The following ELMO1 variants were observed in gnomAD, a reference collection of about 807,000 sequenced individuals.
The protein encoded by ELMO1 is engulfment and cell motility 1.
A neutral mutation model predicts 98.9 loss-of-function variants in ELMO1; 26 were observed. The ratio of observed to expected loss-of-function variants is 0.26; its 90% CI spans 0.19 to 0.36. ELMO1 has a LOEUF of 0.36. Ranked by LOEUF, ELMO1 falls within the 10% of genes least tolerant of loss-of-function variation. The pLI, the probability that ELMO1 is intolerant of heterozygous loss-of-function variation, is 1.00. For missense variants in ELMO1, 627 were observed against 935.2 expected (o/e 0.67, Z 4.30); for synonymous variants, 346 against 346.0 (o/e 1.00, Z 0.00).
Position 37,233,114 on chromosome 7 carries a change from G to A in ELMO1, c.530C>T (p.Ser177Leu), listed in dbSNP as rs1447676557. 8 of 1,613,304 alleles carry A rather than the reference G, an allele frequency of 5.0e-6. No individual in the cohort carries two copies. Among genetic ancestry groups the A allele is most frequent in the Non-Finnish European group, 5.9e-6 (7 of 1,179,740 alleles). ...CCTTACCTTCTTAATGAACGCCACC[G>A]AAAATGTATCCCAGGACACTATGCC... ...DHGIVSWDTF[S>L]VAFIKKIASF... The change falls in exon 8 of 22, where the codon TCG becomes TTG. Residue 177 changes from serine to leucine, a missense_variant. Physicochemically the swap from Ser to Leu is moderately radical, Grantham distance 145. Coordinates refer to ENST00000310758, the MANE Select transcript of ELMO1 (RefSeq NM_014800.11).
intron 15 of ELMO1, among the ~76,000 whole-genome samples, chr7:37,035,454 T>C (rs1795124463): frequency 6.6e-6 from 1 of 152,318 alleles, no homozygotes; most frequent in Middle Eastern, 3.4e-3. Context: ...TTAAAACGTA[T>C]TTCATAAAAA....
chr7:37,415,239 C>G (rs1159825391), intron 1 of ELMO1, among the ~76,000 whole-genome samples: 1 of 152,250 alleles, frequency 6.6e-6, no homozygotes, highest in Non-Finnish European at 1.5e-5. Flanking sequence ...CATGCATGTA[C>G]TCCTGAACAA....
intron 15 of ELMO1, among the ~76,000 whole-genome samples, chr7:37,031,978 A>C (rs1024726172): frequency 6.6e-6 from 1 of 152,200 alleles, no homozygotes; most frequent in Non-Finnish European, 1.5e-5. Flanking sequence ...TAAGCATGTA[A>C]GTGTGTAGGA....
intron 14 of ELMO1, among the ~76,000 whole-genome samples, chr7:37,101,292 A>G (rs1391597777): frequency 6.6e-6 from 1 of 152,178 alleles, no homozygotes; most frequent in Non-Finnish European, 1.5e-5. Flanking sequence ...CTCCCGCAGG[A>G]ATGCAGGGTG....
chr7:37,393,291 A>C lies in ELMO1; in HGVS notation c.-73-50528T>G, dbSNP rs1434731337. Among the ~76,000 whole-genome samples the C allele has an allele frequency of 2.0e-5, 3 of 152,206 alleles. No homozygotes were observed. The East Asian group carries it at 5.8e-4, about 29-fold the overall frequency. On this transcript the variant is annotated intron_variant, in intron 1 of 21. Coordinates refer to ENST00000310758, the MANE Select transcript of ELMO1 (RefSeq NM_014800.11). ...ATACCTTAGTGAAGATTGCCAACAA[A>C]CAATGGCATTCTCCTATATAACCAC...
chr7:37,100,146 T>A (rs1236431032), intron 14 of ELMO1, among the ~76,000 whole-genome samples: 1 of 152,204 alleles, frequency 6.6e-6, no homozygotes, highest in Non-Finnish European at 1.5e-5. Flanking sequence ...CATATTACCA[T>A]GAAAATCAGT....
At position 37,183,107 on chromosome 7, in the gene ELMO1, A is replaced by G. The variant is rs560030275; in HGVS notation, c.1086+28279T>C. On this transcript the variant is annotated intron_variant, in intron 13 of 21. Transcript: ENST00000310758. ...GATACACTAGAACAATTTTAAATGG[A>G]AATAGTTTAGGAGCAGACATCCTAA... Among the ~76,000 whole-genome samples the G allele has an allele frequency of 9.2e-5, 14 of 152,286 alleles. No individual in the cohort carries two copies. In the East Asian group the frequency reaches 2.5e-3, roughly 27 times the overall value.
At chr7:37,302,428 T>A in intron 4 of ELMO1, among the ~76,000 whole-genome samples, 1 of 151,860 alleles carries the variant, frequency 6.6e-6, no homozygotes, top group East Asian at 1.9e-4. Flanking sequence ...CTTCAAACAC[T>A]CCCTCTCTGG....
At chr7:37,267,143 T>C (rs1326562779) in intron 5 of ELMO1, among the ~76,000 whole-genome samples, 1 of 150,908 alleles carries the variant, frequency 6.6e-6, no homozygotes, top group Admixed American at 6.6e-5. Flanking sequence ...AAGGTAACAG[T>C]TTCTTGTGGG....
chr7:37,371,780 T>C (rs1802124365), intron 1 of ELMO1, among the ~76,000 whole-genome samples: 1 of 152,212 alleles, frequency 6.6e-6, no homozygotes, highest in Admixed American at 6.5e-5. Context: ...TTCTTAATCG[T>C]TGCCTGAATT....
In ELMO1 at chr7:37,315,972, CA is replaced by C. The variant is rs749880548; in HGVS notation, c.79-13del. 4 of 1,459,602 alleles carry C rather than the reference CA, an allele frequency of 2.7e-6. No individual in the cohort carries two copies. Among genetic ancestry groups the C allele is most frequent in the African/African-American group, 2.5e-5 (1 of 39,372 alleles). The allele number at this position is 1,459,602 out of a possible 1,614,324, so 90.4% of individuals were successfully genotyped here. On this transcript the variant is annotated splice_polypyrimidine_tract_variant and intron_variant, in intron 2 of 21. Coordinates refer to ENST00000310758, the MANE Select transcript of ELMO1 (RefSeq NM_014800.11). ...GACAGTGGTTTTTTCTGCAAAATAA[CA>C]AAAAAGGAAATACTTGTTAGTTTCG... is the stretch of plus-strand genomic sequence containing the variant.
intron 15 of ELMO1, among the ~76,000 whole-genome samples, chr7:37,075,028 G>T (rs1797489538): frequency 6.6e-6 from 1 of 152,166 alleles, no homozygotes; most frequent in African/African-American, 2.4e-5. Context: ...CCATTCCCTG[G>T]ATTGTGTGTG....
intron 15 of ELMO1, among the ~76,000 whole-genome samples, chr7:37,072,630 CCCAAATGAGGAATCAT>C (rs1051765503): frequency 1.3e-5 from 2 of 152,166 alleles, no homozygotes; most frequent in African/African-American, 4.8e-5. Context: ...CCATACACAT[CCCAAATGAGGAATCAT>C]CCATTCCCCT....
chr7:36,953,839 T>TTGTGTGTGTGTGTG (rs10522376), intron 16 of ELMO1, among the ~76,000 whole-genome samples: 5 of 136,280 alleles, frequency 3.7e-5, no homozygotes, highest in African/African-American at 5.3e-5. Flanking sequence ...TGGGTATGTT[T>TTGTGTGTGTGTGTG]TGTGTGTGTG....
At chr7:37,413,480 G>T (rs1331542350) in intron 1 of ELMO1, among the ~76,000 whole-genome samples, 1 of 152,192 alleles carries the variant, frequency 6.6e-6, no homozygotes, top group Admixed American at 6.5e-5. Flanking sequence ...GAAAATACCA[G>T]TTGGTACAAC....
intron 5 of ELMO1, among the ~76,000 whole-genome samples, chr7:37,261,054 G>T (rs904279640): frequency 2.0e-5 from 3 of 152,144 alleles, no homozygotes; most frequent in African/African-American, 7.2e-5. Context: ...TGACAATAAT[G>T]AGTACCCAAA....
At chr7:37,269,789 T>C (rs1796462570) in intron 5 of ELMO1, 1 of 152,138 alleles carries the variant, frequency 6.6e-6, no homozygotes, top group African/African-American at 2.4e-5. Context: ...TTCACATCTT[T>C]CCATTCACTG....
chr7:37,092,134 A>G (rs1244648370), intron 15 of ELMO1, among the ~76,000 whole-genome samples: 3 of 152,078 alleles, frequency 2.0e-5, no homozygotes, highest in Admixed American at 2.0e-4. Context: ...CTTCTTTGTA[A>G]TTTTTGAAAC....
chr7:37,398,796 G>A (rs1803404129), intron 1 of ELMO1, among the ~76,000 whole-genome samples: 1 of 152,160 alleles, frequency 6.6e-6, no homozygotes, highest in African/African-American at 2.4e-5. Context: ...GTCCCCTGCT[G>A]GACTCATGAG....
Sources: allele counts gnomAD v4.1 joint callset (sites outside exome capture counted in the v4.1 genomes callset), GRCh38; gene constraint gnomAD v4.1.1; transcripts MANE v1.5; gene names NCBI Gene and HGNC (gene_info 2026-07-23, HGNC 2026-07-21).